The following MTREX variants were observed in gnomAD, a reference collection of about 807,000 sequenced individuals.
MTREX encodes the protein Mtr4 exosome RNA helicase, also known as exosome RNA helicase MTR4.
MTREX carries 76 observed loss-of-function variants against 135.4 expected under a neutral mutation model. The observed-to-expected ratio is 0.56, with a 90% confidence interval of 0.47 to 0.68. The LOEUF is 0.68. Among genes scored for constraint, MTREX ranks in the 30% least tolerant of loss-of-function variants. The pLI, the probability that MTREX is intolerant of heterozygous loss-of-function variation, is 0.00. For missense variants in MTREX, 920 were observed against 1,262.1 expected (o/e 0.73, Z 4.11); for synonymous variants, 404 against 401.6 (o/e 1.01, Z -0.07).
intron 5 of MTREX, among the ~76,000 whole-genome samples, chr5:55,331,903 A>T (rs1429286179): frequency 6.6e-6 from 1 of 151,996 alleles, no homozygotes. Flanking sequence ...TGTGCTATTT[A>T]TCATTGTTTC....
At chr5:55,393,830 T>C (rs1014364859) in intron 19 of MTREX, among the ~76,000 whole-genome samples, 1 of 152,230 alleles carries the variant, frequency 6.6e-6, no homozygotes, top group African/African-American at 2.4e-5. Context: ...ATCTGAAATT[T>C]GATATTTATA....
At chr5:55,389,772 G>T (rs1186389663) in intron 19 of MTREX, among the ~76,000 whole-genome samples, 1 of 151,914 alleles carries the variant, frequency 6.6e-6, no homozygotes, top group South Asian at 2.1e-4. Context: ...AATGACAAAA[G>T]GCATGAAACA....
chr5:55,327,675 T>C lies in MTREX; in HGVS notation c.340-41T>C, dbSNP rs766576022. On this transcript the variant is annotated intron_variant, in intron 3 of 26. Transcript: ENST00000230640. ...AATGCTAAATACATCAGTTCTCAAATAGTTGGTGAGGTTTTTTTTTCTTTT... is the reference window on the plus strand; with the variant it reads ...AATGCTAAATACATCAGTTCTCAAACAGTTGGTGAGGTTTTTTTTTCTTTT... 9.4e-6 allele frequency: 14 copies of C among 1,483,424 alleles called. No homozygotes were observed. The African/African-American group carries it at 2.0e-4, about 21-fold the overall frequency. 91.9% of individuals were successfully genotyped at this position (1,483,424 alleles called of 1,614,324 possible).
At chr5:55,353,089 A>G (rs1749853455) in intron 13 of MTREX, 79 bp from the exon 14 acceptor site, 2 of 812,796 alleles carry the variant, frequency 2.5e-6, no homozygotes, top group Non-Finnish European at 3.8e-6. Flanking sequence ...AAGATTAATA[A>G]TGCATTTACT....
chr5:55,398,834 A>C (rs1464846597), intron 20 of MTREX, among the ~76,000 whole-genome samples: 1 of 152,166 alleles, frequency 6.6e-6, no homozygotes, highest in African/African-American at 2.4e-5. Flanking sequence ...TGATAATCTG[A>C]GTCTCAGTTT....
intron 18 of MTREX, among the ~76,000 whole-genome samples, chr5:55,385,536 T>A (rs1750463832): frequency 6.6e-6 from 1 of 152,158 alleles, no homozygotes; most frequent in Non-Finnish European, 1.5e-5. Flanking sequence ...TTCACCAGTC[T>A]GGAGTTTCTG....
intron 16 of MTREX, among the ~76,000 whole-genome samples, chr5:55,377,554 G>A (rs2112098172): frequency 6.6e-6 from 1 of 152,224 alleles, no homozygotes; most frequent in South Asian, 2.1e-4. Flanking sequence ...CACCCTAAGA[G>A]ATATATTCAT....
At chr5:55,313,026 C>A (rs1749138995) in intron 1 of MTREX, among the ~76,000 whole-genome samples, 1 of 152,094 alleles carries the variant, frequency 6.6e-6, no homozygotes, top group Non-Finnish European at 1.5e-5. Flanking sequence ...ACTAGGGAAT[C>A]TTTGTTTTTA....
Position 55,388,162 on chromosome 5 carries a change from C to G in MTREX, c.2181+60C>G. On this transcript the variant is annotated intron_variant, in intron 19 of 26. Coordinates refer to ENST00000230640, the MANE Select transcript of MTREX (RefSeq NM_015360.5). Reference sequence around the variant, plus strand: ...TATTCTGTAACTTATTTGTCATCACCAAAGTTCTCCAATGTGATGGTAATG... The same window carrying G: ...TATTCTGTAACTTATTTGTCATCACGAAAGTTCTCCAATGTGATGGTAATG... 2.8e-6 allele frequency: 4 copies of G among 1,447,838 alleles called. No individual in the cohort carries two copies. In the South Asian group the frequency reaches 4.1e-5, roughly 15 times the overall value. The allele number at this position is 1,447,838 out of a possible 1,614,324, so 89.7% of individuals were successfully genotyped here.
At chr5:55,406,966 C>T (rs964733561) in intron 22 of MTREX, among the ~76,000 whole-genome samples, 9 of 152,200 alleles carry the variant, frequency 5.9e-5, no homozygotes, top group African/African-American at 1.9e-4. Context: ...TCCTCCTTAA[C>T]TGGAAAGTCA....
At chr5:55,365,151 T>C (rs1438966974) in intron 15 of MTREX, among the ~76,000 whole-genome samples, 3 of 152,170 alleles carry the variant, frequency 2.0e-5, no homozygotes, top group African/African-American at 4.8e-5. Flanking sequence ...ACATTTCTTA[T>C]ATTGAAACCC....
rs118066987 is a variant in MTREX at position 55,391,401 on chromosome 5, C to T, written c.2181+3299C>T. ...GGTTAGGGCTGCAGTGAGCCGTGACCATGCCACTGCACTCCAGCCTGAGCA... is the reference window on the plus strand; with the variant it reads ...GGTTAGGGCTGCAGTGAGCCGTGACTATGCCACTGCACTCCAGCCTGAGCA... On this transcript the variant is annotated intron_variant, in intron 19 of 26. Transcript: ENST00000230640. 5.8e-3 allele frequency among the ~76,000 whole-genome samples: 880 copies of T among 152,192 alleles called. 22 individuals are homozygous for T. Among genetic ancestry groups the T allele is most frequent in the Admixed American group, 0.045 (692 of 15,296 alleles).
intron 26 of MTREX, chr5:55,423,962 T>C (rs1751101141): frequency 6.6e-6 from 1 of 152,178 alleles, no homozygotes; most frequent in Admixed American, 6.5e-5. Flanking sequence ...TGTCAAAGTT[T>C]TAAAAATAAT....
Position 55,345,246 on chromosome 5 carries a change from C to G in MTREX, c.1108+50C>G, listed in dbSNP as rs111711679. Reference sequence around the variant, plus strand: ...GAATTTTACATGTAAATTGTATATTCAGATTACTCTGATATTTTTTGTCTT... The same window carrying G: ...GAATTTTACATGTAAATTGTATATTGAGATTACTCTGATATTTTTTGTCTT... On this transcript the variant is annotated intron_variant, in intron 10 of 26. Coordinates refer to ENST00000230640, the MANE Select transcript of MTREX (RefSeq NM_015360.5). 1.4e-3 allele frequency: 1,591 copies of G among 1,152,506 alleles called. 12 individuals are homozygous for G. The African/African-American group carries it at 0.022, about 16-fold the overall frequency. 71.4% of individuals were successfully genotyped at this position (1,152,506 alleles called of 1,614,324 possible).
chr5:55,309,938 T>C (rs1579840614), intron 1 of MTREX, among the ~76,000 whole-genome samples: 1 of 152,188 alleles, frequency 6.6e-6, no homozygotes, highest in Middle Eastern at 3.4e-3. Flanking sequence ...TTGGGAGAGT[T>C]TGGGGAAGCT....
At chr5:55,333,408 A>C (rs1749506745) in intron 5 of MTREX, among the ~76,000 whole-genome samples, 1 of 152,134 alleles carries the variant, frequency 6.6e-6, no homozygotes, top group East Asian at 1.9e-4. Flanking sequence ...CTCTTAGTTC[A>C]ATTATTTTTT....
chr5:55,402,832 G>GTGTATGTGTATGTA, intron 21 of MTREX, among the ~76,000 whole-genome samples: 2 of 96,788 alleles, frequency 2.1e-5, no homozygotes, highest in African/African-American at 8.0e-5. Context: ...ATGTGTGTGT[G>GTGTATGTGTATGTA]TGTGTGTGTA....
Position 55,322,565 on chromosome 5 carries a change from A to G in MTREX, c.272+101A>G, listed in dbSNP as rs886370398. ...TGTTGCTACTTAGATATATGCCCGT[A>G]TTAGAGAAATGAAGATATTCTTTCT... On this transcript the variant is annotated intron_variant, in intron 2 of 26. Coordinates refer to ENST00000230640, the MANE Select transcript of MTREX (RefSeq NM_015360.5). 5.2e-6 allele frequency: 4 copies of G among 766,348 alleles called. No homozygotes were observed. In the African/African-American group the frequency reaches 5.4e-5, roughly 10 times the overall value. The allele number at this position is 766,348 out of a possible 1,614,324, so 47.5% of individuals were successfully genotyped here.
intron 15 of MTREX, among the ~76,000 whole-genome samples, chr5:55,360,946 C>T (rs1364401754): frequency 6.6e-6 from 1 of 152,008 alleles, no homozygotes; most frequent in Non-Finnish European, 1.5e-5. Context: ...AAAATTTGTC[C>T]AGAGCTATGT....
Sources: gnomAD v4.1 joint callset for allele counts (sites outside exome capture counted in the v4.1 genomes callset) on GRCh38, gnomAD v4.1.1 for gene constraint, MANE v1.5 for transcripts, NCBI Gene and HGNC (gene_info 2026-07-23, HGNC 2026-07-21) for gene names.